GRID2: variants seen among roughly 807,000 people sequenced by gnomAD.
GRID2 encodes glutamate ionotropic receptor delta type subunit 2, also known as glutamate receptor ionotropic, delta-2.
GRID2 carries 33 observed loss-of-function variants against 114.8 expected under a neutral mutation model. The ratio of observed to expected loss-of-function variants is 0.29; its 90% confidence interval spans 0.22 to 0.38. The LOEUF (loss-of-function observed/expected upper bound fraction) is 0.38. GRID2 is among the 10% of genes least tolerant of loss of function. GRID2 has a pLI of 1.00. For synonymous variants in GRID2, 505 were observed against 449.9 expected (o/e 1.12, Z -1.55); for missense variants, 1,184 against 1,257.7 (o/e 0.94, Z 0.89).
At chr4:93,473,744 C>T (rs973414847) in intron 11 of GRID2, among the ~76,000 whole-genome samples, 1 of 152,136 alleles carries the variant, frequency 6.6e-6, no homozygotes, top group East Asian at 1.9e-4. Context: ...ATATTGCTTC[C>T]TCAGTTAATG....
chr4:93,332,673 A>G (rs1758622992), intron 8 of GRID2, among the ~76,000 whole-genome samples: 1 of 152,062 alleles, frequency 6.6e-6, no homozygotes, highest in African/African-American at 2.4e-5. Context: ...ATGCCAGGAG[A>G]TATAAATTAG....
At chr4:92,561,975 C>A (rs182817915) in intron 1 of GRID2, among the ~76,000 whole-genome samples, 1 of 152,234 alleles carries the variant, frequency 6.6e-6, no homozygotes, top group Non-Finnish European at 1.5e-5. Flanking sequence ...GGGAGGATTC[C>A]TTAAATAGTG....
intron 6 of GRID2, among the ~76,000 whole-genome samples, chr4:93,221,361 A>C (rs144798102): frequency 6.6e-6 from 1 of 152,280 alleles, no homozygotes; most frequent in Non-Finnish European, 1.5e-5. Flanking sequence ...GGTGTCAAAT[A>C]TTGAAAGCTT....
rs79410049 is a variant in GRID2 at position 92,403,433 on chromosome 4, C to G, written c.88+98689C>G. On this transcript the variant is annotated intron_variant, in intron 1 of 15. Transcript: ENST00000282020. Reference sequence around the variant, plus strand: ...AGAGACATGGCCAGGCATGGTGGCTCATGCTTGTAATTCCAGCACTTTGGG... The same window carrying G: ...AGAGACATGGCCAGGCATGGTGGCTGATGCTTGTAATTCCAGCACTTTGGG... Among the ~76,000 whole-genome samples, 139 of 152,032 alleles carry G rather than the reference C, an allele frequency of 9.1e-4. No homozygotes were observed. The East Asian group carries it at 0.022, about 25-fold the overall frequency.
intron 8 of GRID2, among the ~76,000 whole-genome samples, chr4:93,378,230 A>C (rs925121734): frequency 2.6e-5 from 4 of 152,106 alleles, no homozygotes; most frequent in Non-Finnish European, 4.4e-5. Flanking sequence ...TACTTTAACC[A>C]AATTAATAAT....
chr4:92,529,599 C>T (rs1725229958), intron 1 of GRID2, among the ~76,000 whole-genome samples: 1 of 152,106 alleles, frequency 6.6e-6, no homozygotes, highest in Non-Finnish European at 1.5e-5. Flanking sequence ...GCCCAGTAAG[C>T]TTACTGGGGA....
At chr4:92,865,196 T>C (rs1190668400) in intron 2 of GRID2, among the ~76,000 whole-genome samples, 1 of 152,200 alleles carries the variant, frequency 6.6e-6, no homozygotes, top group Non-Finnish European at 1.5e-5. Flanking sequence ...ATTGTTTATT[T>C]TCAAAAACTC....
intron 2 of GRID2, among the ~76,000 whole-genome samples, chr4:92,658,080 C>T (rs1732333858): frequency 6.6e-6 from 1 of 151,632 alleles, no homozygotes; most frequent in South Asian, 2.1e-4. Flanking sequence ...TGAAATGGAG[C>T]TTCAGCCCTT....
intron 13 of GRID2, among the ~76,000 whole-genome samples, chr4:93,600,118 C>T (rs1180489593): frequency 6.6e-6 from 1 of 152,172 alleles, no homozygotes; most frequent in Admixed American, 6.5e-5. Context: ...TGAGTAAACT[C>T]ATCAGGTATT....
chr4:93,744,167 G>A (rs1164336925), intron 14 of GRID2, among the ~76,000 whole-genome samples: 2 of 152,170 alleles, frequency 1.3e-5, no homozygotes, highest in Non-Finnish European at 2.9e-5. Flanking sequence ...GGTCACCCAC[G>A]AACTCTAATA....
intron 11 of GRID2, among the ~76,000 whole-genome samples, chr4:93,489,061 A>G (rs1256796190): frequency 6.6e-6 from 1 of 152,014 alleles, no homozygotes; most frequent in Non-Finnish European, 1.5e-5. Context: ...TGGGACAAGG[A>G]CTGTTCCTAT....
intron 12 of GRID2, among the ~76,000 whole-genome samples, chr4:93,512,702 C>T (rs1729316789): frequency 6.6e-6 from 1 of 152,062 alleles, no homozygotes; most frequent in African/African-American, 2.4e-5. Flanking sequence ...TATAAACTGC[C>T]TTTTTTGTAA....
intron 4 of GRID2, among the ~76,000 whole-genome samples, chr4:93,171,015 T>C (rs970948957): frequency 6.6e-6 from 1 of 152,164 alleles, no homozygotes; most frequent in African/African-American, 2.4e-5. Flanking sequence ...CATCTGCCCA[T>C]GCCACCTACG....
At chr4:93,386,732 A>G (rs1034967155) in intron 8 of GRID2, among the ~76,000 whole-genome samples, 3 of 152,140 alleles carry the variant, frequency 2.0e-5, no homozygotes, top group African/African-American at 7.2e-5. Flanking sequence ...ACCTAAGGGC[A>G]GGAGAAGAAG....
At chr4:93,477,821 C>A (rs1319140097) in intron 11 of GRID2, among the ~76,000 whole-genome samples, 1 of 152,060 alleles carries the variant, frequency 6.6e-6, no homozygotes, top group Non-Finnish European at 1.5e-5. Flanking sequence ...TTAAATGAGA[C>A]CTAGAGATAG....
intron 1 of GRID2, among the ~76,000 whole-genome samples, chr4:92,471,315 T>C (rs963176484): frequency 6.6e-6 from 1 of 152,084 alleles, no homozygotes; most frequent in African/African-American, 2.4e-5. Context: ...TACTATATAA[T>C]GTTACATGAC....
rs1468448028 is a variant in GRID2 at position 93,470,264 on chromosome 4, G to C, written c.1858+14290G>C. Reference sequence around the variant, plus strand: ...CTTTCTTGCTACTAAATTATATACAGTACATATTTAACTGATGAACCAAAA... The same window carrying C: ...CTTTCTTGCTACTAAATTATATACACTACATATTTAACTGATGAACCAAAA... On this transcript the variant is annotated intron_variant, in intron 11 of 15. Transcript: ENST00000282020. 3.3e-5 allele frequency among the ~76,000 whole-genome samples: 5 copies of C among 152,194 alleles called. No homozygotes were observed. The East Asian group carries it at 9.7e-4, about 29-fold the overall frequency.
Position 93,104,028 on chromosome 4 carries a change from A to T in GRID2, c.530-6720A>T, listed in dbSNP as rs186356252. Among the ~76,000 whole-genome samples, 18 of 151,740 alleles carry T rather than the reference A, an allele frequency of 1.2e-4. No individual in the cohort carries two copies. The East Asian group carries it at 3.1e-3, about 26-fold the overall frequency. On this transcript the variant is annotated intron_variant, in intron 3 of 15. Coordinates refer to ENST00000282020, the MANE Select transcript of GRID2 (RefSeq NM_001510.4). ...AAGCATAGTACCCAATTCATTTTTCAGCCCCCAACTTTCTCTCCCCGGCTA... is the reference window on the plus strand; with the variant it reads ...AAGCATAGTACCCAATTCATTTTTCTGCCCCCAACTTTCTCTCCCCGGCTA...
chr4:93,223,098 A>G (rs1004080033), intron 6 of GRID2, among the ~76,000 whole-genome samples: 12 of 152,082 alleles, frequency 7.9e-5, no homozygotes, highest in East Asian at 1.9e-4. Flanking sequence ...TGTAACTTCT[A>G]TATTTTCCTG....
Sources: allele counts gnomAD v4.1 joint callset (sites outside exome capture counted in the v4.1 genomes callset), GRCh38; gene constraint gnomAD v4.1.1; transcripts MANE v1.5; gene names NCBI Gene and HGNC (gene_info 2026-07-23, HGNC 2026-07-21).